PXT1: variants seen among roughly 807,000 people sequenced by gnomAD.
PXT1 encodes peroxisomal testis enriched protein 1.
A neutral mutation model predicts 11.0 loss-of-function variants in PXT1; 11 were observed. The ratio of observed to expected loss-of-function variants is 1.00; its 90% CI spans 0.63 to 1.66. The LOEUF is 1.66. Among genes scored for constraint, PXT1 ranks in the 40% most tolerant of loss-of-function variants. The pLI, the probability that PXT1 is intolerant of heterozygous loss-of-function variation, is 0.00. For missense variants in PXT1, 141 were observed against 155.5 expected, an observed-to-expected ratio of 0.91 and a Z score of 0.49; for synonymous variants, 43 against 51.4, an observed-to-expected ratio of 0.84 and a Z score of 0.70.
chr6:36,419,620 T>G (rs576620409), intron 3 of PXT1, among the ~76,000 whole-genome samples: 2 of 152,318 alleles, frequency 1.3e-5, no homozygotes, highest in South Asian at 4.1e-4. Context: ...TTCATAACTC[T>G]AAGACCTAGC....
intron 2 of PXT1, among the ~76,000 whole-genome samples, chr6:36,438,463 G>A (rs1015088761): frequency 2.0e-5 from 3 of 151,978 alleles, no homozygotes; most frequent in Non-Finnish European, 4.4e-5. Context: ...TCGCTCTGTC[G>A]CCCAGGCTGG....
At chr6:36,435,990 G>A (rs1774756698) in intron 2 of PXT1, among the ~76,000 whole-genome samples, 1 of 151,732 alleles carries the variant, frequency 6.6e-6, no homozygotes, top group African/African-American at 2.4e-5. Flanking sequence ...ATGAAAGCAG[G>A]GATCCTGGAA....
intron 4 of PXT1, among the ~76,000 whole-genome samples, chr6:36,398,020 A>C (rs1036896625): frequency 6.6e-6 from 1 of 152,076 alleles, no homozygotes; most frequent in Non-Finnish European, 1.5e-5. Flanking sequence ...GTCTCAAAAA[A>C]AAAAGACTCC....
At position 36,414,544 on chromosome 6, in the gene PXT1, C is replaced by T. The variant is rs181217742; in HGVS notation, c.169+11370G>A. On this transcript the variant is annotated intron_variant, in intron 3 of 4. Transcript: ENST00000454782. ...TTCCTCTGTGTTAAACCTGGCAGGG[C>T]TTTATCTGTATAACTAGGCATAATT... Among the ~76,000 whole-genome samples, 3 of 152,278 alleles carry T rather than the reference C, an allele frequency of 2.0e-5. No individual in the cohort carries two copies. In the East Asian group the frequency reaches 5.8e-4, roughly 29 times the overall value.
rs1774069113 is a variant in PXT1, at chr6:36,391,733, G to A, written c.*37C>T. 2.2e-6 allele frequency: 3 copies of A among 1,379,634 alleles called. No individual in the cohort carries two copies. In the East Asian group the frequency reaches 6.8e-5, roughly 31 times the overall value. 85.5% of individuals were successfully genotyped at this position (1,379,634 alleles called of 1,614,324 possible). ...ATTCATGTTTCTCAGAGGGTAAAAA[G>A]AAAACAGAACTTGACCACTTGACCT... On this transcript the variant is annotated 3_prime_UTR_variant, in exon 5 of 5. Transcript: ENST00000454782.
At chr6:36,413,291 C>T (rs1313286897) in intron 3 of PXT1, among the ~76,000 whole-genome samples, 1 of 152,042 alleles carries the variant, frequency 6.6e-6, no homozygotes, top group Non-Finnish European at 1.5e-5. Flanking sequence ...GTGGTGGACG[C>T]CTGTAGTCCC....
intron 4 of PXT1, among the ~76,000 whole-genome samples, chr6:36,396,520 G>A (rs925448383): frequency 1.2e-4 from 18 of 152,326 alleles, no homozygotes; most frequent in African/African-American, 1.7e-4. Flanking sequence ...CCCGCATGGC[G>A]CCGGAGGCAG....
chr6:36,432,033 T>C (rs1254730942), intron 2 of PXT1, among the ~76,000 whole-genome samples: 1 of 152,176 alleles, frequency 6.6e-6, no homozygotes, highest in East Asian at 1.9e-4. Flanking sequence ...ATTGCGCCAC[T>C]GCAATCCAGC....
At chr6:36,417,084 G>T (rs548802102) in intron 3 of PXT1, among the ~76,000 whole-genome samples, 1 of 152,286 alleles carries the variant, frequency 6.6e-6, no homozygotes, top group South Asian at 2.1e-4. Context: ...AGTGGCTCAC[G>T]CCTGTAATCC....
chr6:36,441,216 T>A (rs561122637), intron 1 of PXT1, among the ~76,000 whole-genome samples: 1 of 151,848 alleles, frequency 6.6e-6, no homozygotes, highest in African/African-American at 2.4e-5. Context: ...TATCAGAAGG[T>A]TTTTTATTTT....
chr6:36,420,595 TGAAA>T (rs1432095488), intron 3 of PXT1, among the ~76,000 whole-genome samples: 3 of 152,154 alleles, frequency 2.0e-5, no homozygotes, highest in African/African-American at 7.2e-5. Flanking sequence ...GGGACAAGAA[TGAAA>T]GAGAGAGTCT....
intron 4 of PXT1, among the ~76,000 whole-genome samples, chr6:36,395,493 A>ATTTTTT (rs148553371): frequency 2.0e-4 from 15 of 73,346 alleles, no homozygotes; most frequent in Non-Finnish European, 2.6e-4. Context: ...CAAACTTAGG[A>ATTTTTT]TTTTTTTTTT....
intron 2 of PXT1, among the ~76,000 whole-genome samples, chr6:36,427,799 A>G (rs1287936651): frequency 1.3e-5 from 2 of 152,180 alleles, no homozygotes; most frequent in Non-Finnish European, 2.9e-5. Context: ...CAGTAGCCAC[A>G]TGCAGCCAGT....
chr6:36,420,177 TTATC>T lies in PXT1; in HGVS notation c.169+5733_169+5736del, dbSNP rs553772533. Among the ~76,000 whole-genome samples, 195 of 152,326 alleles carry T rather than the reference TTATC, an allele frequency of 1.3e-3. 2 individuals carry two copies. The highest frequency in any genetic ancestry group is 2.9e-3 in the African/African-American group (122 of 41,586). ...GGTACAACCTATGTAGGGAGCAATG[TTATC>T]TATCTATCTATCAATCAAATTTTAC... On this transcript the variant is annotated intron_variant, in intron 3 of 4. Transcript: ENST00000454782.
intron 3 of PXT1, among the ~76,000 whole-genome samples, chr6:36,421,428 T>C (rs1348407644): frequency 6.6e-6 from 1 of 152,170 alleles, no homozygotes; most frequent in Non-Finnish European, 1.5e-5. Flanking sequence ...GCCACTGCAC[T>C]TCAGCCTGAG....
intron 2 of PXT1, among the ~76,000 whole-genome samples, chr6:36,427,658 ATG>A (rs1376203307): frequency 7.9e-5 from 12 of 152,132 alleles, no homozygotes; most frequent in African/African-American, 2.9e-4. Flanking sequence ...TCATTTCAAC[ATG>A]TAATCAATAT....
intron 3 of PXT1, among the ~76,000 whole-genome samples, chr6:36,401,172 CATT>C (rs1774208320): frequency 6.6e-6 from 1 of 151,402 alleles, no homozygotes. Flanking sequence ...ATTATTATAA[CATT>C]AATAAATATA....
At chr6:36,436,112 C>CCAAAAAAAAAAAAAAAAAAAAAAAAA (rs1774759403) in intron 2 of PXT1, among the ~76,000 whole-genome samples, 1 of 25,794 alleles carries the variant, frequency 3.9e-5, no homozygotes, top group Non-Finnish European at 9.7e-5. Flanking sequence ...AAAAAGTAAG[C>CCAAAAAAAAAAAAAAAAAAAAAAAAA]CAAAAAAAAA....
chr6:36,412,496 C>G (rs1246073771), intron 3 of PXT1, among the ~76,000 whole-genome samples: 2 of 151,718 alleles, frequency 1.3e-5, no homozygotes, highest in Non-Finnish European at 2.9e-5. Context: ...CCCGTCTCTA[C>G]TAAAAATGCA....
Sources: gnomAD v4.1 joint callset for allele counts (sites outside exome capture counted in the v4.1 genomes callset) on GRCh38, gnomAD v4.1.1 for gene constraint, MANE v1.5 for transcripts, NCBI Gene and HGNC (gene_info 2026-07-23, HGNC 2026-07-21) for gene names.